The following RBFOX2 variants were observed in gnomAD, a reference collection of about 807,000 sequenced individuals.
RBFOX2 encodes the protein RNA binding fox-1 homolog 2, also known as RNA binding protein fox-1 homolog 2.
In RBFOX2, 10 loss-of-function variants were observed where a neutral mutation model predicts 49.1. The observed-to-expected ratio is 0.20, with a 90% CI of 0.13 to 0.35. The LOEUF (loss-of-function observed/expected upper bound fraction) is 0.35, where lower values mean the gene tolerates loss of function less well. RBFOX2 is among the 10% of genes least tolerant of loss of function. The pLI is 1.00. For missense variants in RBFOX2, 323 were observed against 486.9 expected, an observed-to-expected ratio of 0.66 and a Z score of 3.17; for synonymous variants, 183 against 187.4, an observed-to-expected ratio of 0.98 and a Z score of 0.19.
chr22:35,902,792 A>G (rs1247548926), intron 1 of RBFOX2, among the ~76,000 whole-genome samples: 1 of 149,000 alleles, frequency 6.7e-6, no homozygotes. Flanking sequence ...CTACATGCAC[A>G]TGCCACCACG....
intron 1 of RBFOX2, among the ~76,000 whole-genome samples, chr22:35,815,094 A>G (rs1348986588): frequency 6.6e-6 from 1 of 152,164 alleles, no homozygotes; most frequent in Non-Finnish European, 1.5e-5. Flanking sequence ...ATCATCACCT[A>G]CCGACAGGTG....
intron 1 of RBFOX2, among the ~76,000 whole-genome samples, chr22:35,862,319 A>G (rs1362217052): frequency 6.7e-6 from 1 of 150,290 alleles, no homozygotes; most frequent in African/African-American, 2.5e-5. Flanking sequence ...AATTAAAATA[A>G]TGAATTCTTG....
chr22:35,870,689 G>T (rs1012008480), intron 1 of RBFOX2, among the ~76,000 whole-genome samples: 11 of 152,038 alleles, frequency 7.2e-5, no homozygotes, highest in Non-Finnish European at 2.9e-5. Context: ...AAACAGTGGG[G>T]TATATTATAT....
chr22:36,001,103 CAGAA>C (rs1569521446), intron 1 of RBFOX2, among the ~76,000 whole-genome samples: 2 of 151,976 alleles, frequency 1.3e-5, no homozygotes, highest in East Asian at 1.9e-4. Context: ...AGGTCCTTCT[CAGAA>C]AGAAGATCCA....
intron 1 of RBFOX2, among the ~76,000 whole-genome samples, chr22:35,947,948 C>G (rs1005177489): frequency 6.6e-6 from 1 of 152,140 alleles, no homozygotes; most frequent in Non-Finnish European, 1.5e-5. Flanking sequence ...CAGTAGTGTA[C>G]AGTAATGCCC....
At chr22:35,863,555 C>CT (rs1198622612) in intron 1 of RBFOX2, among the ~76,000 whole-genome samples, 3 of 152,154 alleles carry the variant, frequency 2.0e-5, no homozygotes, top group Non-Finnish European at 4.4e-5. Flanking sequence ...TGTCAGGAAT[C>CT]TGACAGCTGC....
At chr22:35,994,408 TA>T (rs2058103110) in intron 1 of RBFOX2, 1 of 150,886 alleles carries the variant, frequency 6.6e-6, no homozygotes, top group Non-Finnish European at 1.5e-5. Context: ...TTTATTTATT[TA>T]TTTATTTATT....
At chr22:35,965,857 C>CA (rs1280929155), upstream of RBFOX2, among the ~76,000 whole-genome samples, 1 of 152,096 alleles carries the variant, frequency 6.6e-6, no homozygotes, top group Non-Finnish European at 1.5e-5. Context: ...TCACAGAACG[C>CA]AAGTAGAAGA....
chr22:36,010,778 CGT>C (rs1451668549), intron 1 of RBFOX2, among the ~76,000 whole-genome samples: 25 of 139,568 alleles, frequency 1.8e-4, no homozygotes, highest in Admixed American at 7.1e-4. Context: ...CACACACACA[CGT>C]GTGTTTATAT....
intron 1 of RBFOX2, among the ~76,000 whole-genome samples, chr22:36,010,995 T>C (rs1187351429): frequency 1.3e-5 from 2 of 152,100 alleles, no homozygotes; most frequent in Non-Finnish European, 2.9e-5. Flanking sequence ...ACACAAAACT[T>C]AGTTCACTGA....
chr22:35,999,671 G>A (rs1004166791), intron 1 of RBFOX2: 6 of 152,050 alleles, frequency 3.9e-5, no homozygotes, highest in African/African-American at 1.4e-4. Flanking sequence ...GCTACAAAAC[G>A]TTGATCAAAG....
chr22:35,768,977 G>C (rs1216099279), intron 4 of RBFOX2, among the ~76,000 whole-genome samples: 1 of 152,140 alleles, frequency 6.6e-6, no homozygotes, highest in Non-Finnish European at 1.5e-5. Flanking sequence ...TGGGAGAGGA[G>C]AGCATTCATG....
At chr22:35,773,541 G>A (rs1943198620) in intron 4 of RBFOX2, among the ~76,000 whole-genome samples, 1 of 151,872 alleles carries the variant, frequency 6.6e-6, no homozygotes, top group African/African-American at 2.4e-5. Context: ...CTGAAAATAT[G>A]TACATCTAAT....
At chr22:35,761,284 A>G in exon 8 of RBFOX2, 1 of 1,614,190 alleles carries the variant, frequency 6.2e-7, no homozygotes, top group Non-Finnish European at 8.5e-7. Context: ...CATCTGCTTG[A>G]AAGCTGGATG....
At chr22:35,983,742 A>C (rs2057574105) in intron 1 of RBFOX2, among the ~76,000 whole-genome samples, 1 of 152,216 alleles carries the variant, frequency 6.6e-6, no homozygotes, top group Non-Finnish European at 1.5e-5. Context: ...GGTTAACTGA[A>C]CTAAATGAAC....
At chr22:35,887,897 C>T (rs1243230099) in intron 1 of RBFOX2, among the ~76,000 whole-genome samples, 2 of 152,134 alleles carry the variant, frequency 1.3e-5, no homozygotes, top group African/African-American at 4.8e-5. Flanking sequence ...CGTTTGCTTA[C>T]AATAGTAGTT....
At chr22:35,920,009 A>G (rs1358733409) in intron 1 of RBFOX2, among the ~76,000 whole-genome samples, 3 of 152,208 alleles carry the variant, frequency 2.0e-5, no homozygotes, top group Non-Finnish European at 4.4e-5. Flanking sequence ...TCACATAGTA[A>G]AACAATACAT....
exon 8 of RBFOX2, chr22:35,761,287 G>T: frequency 6.2e-7 from 1 of 1,614,158 alleles, no homozygotes; most frequent in Non-Finnish European, 8.5e-7. Context: ...CTGCTTGAAA[G>T]CTGGATGCTG....
intron 4 of RBFOX2, 102 bp downstream of exon 5, chr22:35,777,923 T>C (rs961028931): frequency 2.5e-6 from 3 of 1,209,894 alleles, no homozygotes; most frequent in Admixed American, 2.4e-5. Flanking sequence ...GATACTTTTA[T>C]GCAGGCTTGA....
Sources: gnomAD v4.1 joint callset for allele counts (sites outside exome capture counted in the v4.1 genomes callset) on GRCh38, gnomAD v4.1.1 for gene constraint, MANE v1.5 for transcripts, NCBI Gene and HGNC (gene_info 2026-07-23, HGNC 2026-07-21) for gene names.